Variants in GPR89B observed in about 807,000 individuals in gnomAD.
GPR89B encodes G protein-coupled receptor 89B.
In GPR89B, 25 loss-of-function variants were observed where a neutral mutation model predicts 52.4. The observed-to-expected ratio is 0.48, with a 90% CI of 0.35 to 0.67. The LOEUF (loss-of-function observed/expected upper bound fraction) is 0.67, where lower values mean the gene tolerates loss of function less well. GPR89B is among the 30% of genes least tolerant of loss of function. GPR89B has a pLI of 0.01. For synonymous variants in GPR89B, 52 were observed against 151.2 expected (o/e 0.34, Z 4.81); for missense variants, 146 against 450.2 (o/e 0.32, Z 6.11).
At chr1:147,970,549 CTCTCTA>C (rs1657383479) in intron 10 of GPR89B, among the ~76,000 whole-genome samples, 59 of 123,840 alleles carry the variant, frequency 4.8e-4, no homozygotes, top group African/African-American at 1.5e-3. Flanking sequence ...CTATCTCTCT[CTCTCTA>C]TCTCTCTCTC....
intron 7 of GPR89B, among the ~76,000 whole-genome samples, chr1:147,956,558 A>G (rs1439135767): frequency 6.6e-6 from 1 of 151,980 alleles, no homozygotes; most frequent in African/African-American, 2.4e-5. Context: ...CCCACTTAAA[A>G]TAGCTACAAG....
At chr1:147,977,035 C>T (rs1657884250) in intron 10 of GPR89B, among the ~76,000 whole-genome samples, 1 of 151,400 alleles carries the variant, frequency 6.6e-6, no homozygotes, top group Non-Finnish European at 1.5e-5. Flanking sequence ...AAGATCGAGA[C>T]CATCCTGGCT....
At position 147,993,440 on chromosome 1, in the gene GPR89B, G is replaced by A. The variant is rs1269842267; in HGVS notation, c.*523G>A. On this transcript the variant is annotated 3_prime_UTR_variant, in exon 14 of 14. Coordinates refer to ENST00000314163, the MANE Select transcript of GPR89B (RefSeq NM_016334.5). ...ATCCCACACCTCCTCTTCTGATCCT[G>A]CCCCATTAAAATAACCAAGAGGTTA... is the stretch of plus-strand genomic sequence containing the variant. 7 of 200,254 alleles carry A rather than the reference G, an allele frequency of 3.5e-5. No individual in the cohort carries two copies. The East Asian group carries it at 9.1e-4, about 26-fold the overall frequency. 12.4% of individuals were successfully genotyped at this position (200,254 alleles called of 1,614,324 possible). A position where few individuals can be genotyped will look rare whatever the true frequency, so the allele number is the denominator to read the frequency against.
chr1:147,947,206 A>T (rs1655045762), intron 5 of GPR89B, among the ~76,000 whole-genome samples: 1 of 152,110 alleles, frequency 6.6e-6, no homozygotes, highest in Admixed American at 6.6e-5. Flanking sequence ...ATGGTGGTGC[A>T]TGCCTGTAAT....
chr1:147,999,021 A>G, the GPR89B span, among the ~76,000 whole-genome samples: 2 of 151,884 alleles, frequency 1.3e-5, no homozygotes, highest in African/African-American at 4.8e-5. Flanking sequence ...CCCAACCTAC[A>G]GGTCTTACTT....
At chr1:147,998,510 A>G (rs1210911785), downstream of GPR89B, among the ~76,000 whole-genome samples, 1,818 of 152,160 alleles carry the variant, frequency 0.012, 31 homozygotes, top group African/African-American at 0.042. Context: ...GTCTGATAAC[A>G]CTACCCAAAC....
intron 7 of GPR89B, among the ~76,000 whole-genome samples, chr1:147,956,625 A>G (rs1246009604): frequency 1.3e-5 from 2 of 152,066 alleles, no homozygotes; most frequent in Non-Finnish European, 2.9e-5. Context: ...GACACTGAAA[A>G]CTATACAACA....
At chr1:147,968,444 C>G (rs1428907256) in intron 8 of GPR89B, 7 of 452,324 alleles carry the variant, frequency 1.5e-5, no homozygotes, top group Non-Finnish European at 2.7e-5. Flanking sequence ...GTCTGTAAAT[C>G]CTAGCCTATA....
intron 10 of GPR89B, 102 bp downstream of exon 10, chr1:147,970,061 T>C: frequency 1.2e-6 from 1 of 804,140 alleles, no homozygotes; most frequent in Non-Finnish European, 1.9e-6. Context: ...AAATTCCAAA[T>C]GTGATTGCAT....
intron 5 of GPR89B, among the ~76,000 whole-genome samples, chr1:147,950,905 C>T (rs1553250936): frequency 6.6e-6 from 1 of 152,028 alleles, no homozygotes; most frequent in Non-Finnish European, 1.5e-5. Context: ...TTCGGCTCAG[C>T]ATCAGTGGGA....
chr1:147,981,771 G>A (rs1658271388), intron 10 of GPR89B, among the ~76,000 whole-genome samples: 1 of 151,646 alleles, frequency 6.6e-6, no homozygotes, highest in Admixed American at 6.6e-5. Flanking sequence ...TCCTGCCTCA[G>A]CCGCCTGAGT....
At chr1:147,987,146 G>C (rs1658725793) in intron 11 of GPR89B, among the ~76,000 whole-genome samples, 1 of 152,206 alleles carries the variant, frequency 6.6e-6, no homozygotes, top group Admixed American at 6.5e-5. Context: ...CATGTTTCTT[G>C]ATGCTAGATC....
chr1:147,941,222 T>G (rs1553248854), intron 3 of GPR89B, among the ~76,000 whole-genome samples: 1 of 152,224 alleles, frequency 6.6e-6, no homozygotes, highest in African/African-American at 2.4e-5. Flanking sequence ...GAATATCACT[T>G]TACTCTCAGC....
the GPR89B span, among the ~76,000 whole-genome samples, chr1:148,006,323 T>G: frequency 6.6e-6 from 1 of 152,056 alleles, no homozygotes; most frequent in African/African-American, 2.4e-5. Context: ...TACTATTATA[T>G]TAGCCATCGT....
chr1:147,949,323 C>A (rs1374146655), intron 5 of GPR89B, among the ~76,000 whole-genome samples: 4 of 149,036 alleles, frequency 2.7e-5, no homozygotes, highest in African/African-American at 1.0e-4. Context: ...CTCCTCACTT[C>A]CCAGTAGGGG....
At chr1:147,949,432 TGGG>T (rs1655329011) in intron 5 of GPR89B, among the ~76,000 whole-genome samples, 1 of 6,858 alleles carries the variant, frequency 1.5e-4, no homozygotes, top group Non-Finnish European at 2.8e-4. Flanking sequence ...GCTGGCCGGG[TGGG>T]GGGCTGACCC....
At chr1:147,957,914 A>T (rs1209261344) in intron 7 of GPR89B, among the ~76,000 whole-genome samples, 6 of 151,710 alleles carry the variant, frequency 4.0e-5, no homozygotes, top group African/African-American at 1.5e-4. Context: ...GATACAAAAA[A>T]GTAGCCGGGC....
rs1657282875 is a variant in GPR89B at position 147,969,749 on chromosome 1, T to C, written c.817-118T>C. The C allele has an allele frequency of 2.7e-6, 4 of 1,467,136 alleles. No homozygotes were observed. In the South Asian group the frequency reaches 5.2e-5, roughly 19 times the overall value. 90.9% of individuals were successfully genotyped at this position (1,467,136 alleles called of 1,614,324 possible). ...AACTACTGTTATTAGTTTAATATTA[T>C]TGCAATGTATGGTTTTTTGACTGAA... On this transcript the variant is annotated intron_variant, in intron 9 of 13. Transcript: ENST00000314163.
chr1:148,025,459 G>T, the GPR89B span, among the ~76,000 whole-genome samples: 2 of 139,670 alleles, frequency 1.4e-5, no homozygotes, highest in African/African-American at 2.7e-5. Context: ...GGAGGCAGAG[G>T]TTGCGGTGAG....
Sources: allele counts gnomAD v4.1 joint callset (sites outside exome capture counted in the v4.1 genomes callset), GRCh38; gene constraint gnomAD v4.1.1; transcripts MANE v1.5; gene names NCBI Gene and HGNC (gene_info 2026-07-23, HGNC 2026-07-21).